Variants in GRID1 observed in about 807,000 individuals in gnomAD.
GRID1 encodes the protein glutamate ionotropic receptor delta type subunit 1, also known as glutamate receptor ionotropic, delta-1.
GRID1 carries 28 observed loss-of-function variants against 98.0 expected under a neutral mutation model. That is an observed-to-expected ratio of 0.29 (90% CI 0.21 to 0.39). The LOEUF (loss-of-function observed/expected upper bound fraction) is 0.39, where lower values mean the gene tolerates loss of function less well. Among genes scored for constraint, GRID1 ranks in the 10% least tolerant of loss-of-function variants. The pLI, the probability that GRID1 is intolerant of heterozygous loss-of-function variation, is 1.00. For synonymous variants in GRID1, 553 were observed against 538.5 expected, an observed-to-expected ratio of 1.03 and a Z score of -0.37; for missense variants, 1,111 against 1,340.5, an observed-to-expected ratio of 0.83 and a Z score of 2.67.
intron 4 of GRID1, among the ~76,000 whole-genome samples, chr10:86,099,386 T>C (rs1844263242): frequency 1.3e-5 from 2 of 152,116 alleles, no homozygotes; most frequent in South Asian, 4.2e-4. Context: ...AGACCAGTAG[T>C]TCAGAGTCTG....
chr10:85,679,419 C>G (rs563997924), intron 12 of GRID1, among the ~76,000 whole-genome samples: 2 of 152,322 alleles, frequency 1.3e-5, no homozygotes, highest in South Asian at 4.1e-4. Context: ...TTTGAAGGCT[C>G]TGAGTTTAGC....
chr10:86,220,885 A>G (rs1846242989), intron 2 of GRID1, among the ~76,000 whole-genome samples: 1 of 152,220 alleles, frequency 6.6e-6, no homozygotes, highest in Non-Finnish European at 1.5e-5. Flanking sequence ...CAGCACCAGC[A>G]TCTGAGGGGA....
chr10:85,672,701 CT>C (rs1331671274), intron 12 of GRID1, among the ~76,000 whole-genome samples: 2 of 151,588 alleles, frequency 1.3e-5, no homozygotes, highest in Non-Finnish European at 2.9e-5. Context: ...TTGAGACCTA[CT>C]GCTCAGGAAA....
chr10:85,618,424 C>A (rs1331726495), intron 14 of GRID1, among the ~76,000 whole-genome samples: 1 of 152,164 alleles, frequency 6.6e-6, no homozygotes, highest in Admixed American at 6.5e-5. Context: ...AGAACACCAA[C>A]GTGTTATAAA....
chr10:86,306,933 T>C (rs1272291964), intron 2 of GRID1, among the ~76,000 whole-genome samples: 19 of 152,208 alleles, frequency 1.2e-4, no homozygotes, highest in Admixed American at 1.2e-3. Flanking sequence ...ATCTATAGTT[T>C]GGTTAGTTTG....
chr10:85,815,341 G>A (rs1842707289), intron 8 of GRID1, among the ~76,000 whole-genome samples: 1 of 151,992 alleles, frequency 6.6e-6, no homozygotes, highest in Non-Finnish European at 1.5e-5. Context: ...AACGAGGAAG[G>A]AATGCCTTAT....
At chr10:86,146,169 G>T (rs1299055305) in intron 3 of GRID1, among the ~76,000 whole-genome samples, 2 of 152,182 alleles carry the variant, frequency 1.3e-5, no homozygotes, top group Admixed American at 1.3e-4. Context: ...CATCTGTAAT[G>T]TACATATATA....
intron 4 of GRID1, among the ~76,000 whole-genome samples, chr10:85,958,175 C>A (rs555342935): frequency 6.6e-6 from 1 of 152,222 alleles, no homozygotes; most frequent in Non-Finnish European, 1.5e-5. Context: ...GTAAATATTA[C>A]TGCAGTTTGA....
At chr10:86,293,951 T>G (rs553276551) in intron 2 of GRID1, among the ~76,000 whole-genome samples, 1 of 152,326 alleles carries the variant, frequency 6.6e-6, no homozygotes, top group Non-Finnish European at 1.5e-5. Flanking sequence ...AATAAAAATT[T>G]ATTGCAATAA....
intron 2 of GRID1, among the ~76,000 whole-genome samples, chr10:86,353,658 G>A (rs1848493949): frequency 6.6e-6 from 1 of 152,218 alleles, no homozygotes; most frequent in Admixed American, 6.5e-5. Flanking sequence ...CCTTGGGCCA[G>A]CTCCAGTTGG....
chr10:85,674,685 C>T (rs921484562), intron 12 of GRID1, among the ~76,000 whole-genome samples: 6 of 150,636 alleles, frequency 4.0e-5, no homozygotes, highest in African/African-American at 1.2e-4. Flanking sequence ...CAACTTAGTA[C>T]AAGAGAAGTT....
At chr10:85,883,279 A>G (rs1841061781) in intron 5 of GRID1, among the ~76,000 whole-genome samples, 1 of 151,836 alleles carries the variant, frequency 6.6e-6, no homozygotes. Context: ...TTCCTTTTCT[A>G]TTTTGCTTTT....
chr10:85,763,173 C>A (rs78916410), intron 8 of GRID1, among the ~76,000 whole-genome samples: 9 of 152,246 alleles, frequency 5.9e-5, no homozygotes, highest in Non-Finnish European at 8.8e-5. Flanking sequence ...AGTCAGCTGC[C>A]CACCTTGCAG....
chr10:86,317,996 C>A (rs570567162), intron 2 of GRID1, among the ~76,000 whole-genome samples: 52 of 152,286 alleles, frequency 3.4e-4, no homozygotes, highest in Middle Eastern at 3.4e-3. Flanking sequence ...CCACCTTGGT[C>A]TCCCAAAGCA....
chr10:85,631,214 A>T (rs1057143145), intron 13 of GRID1, among the ~76,000 whole-genome samples: 3 of 152,222 alleles, frequency 2.0e-5, no homozygotes, highest in Non-Finnish European at 4.4e-5. Context: ...TGCTATTGGC[A>T]GAGCTTCAGT....
At chr10:86,156,478 T>C (rs1029509022) in intron 3 of GRID1, among the ~76,000 whole-genome samples, 2 of 152,164 alleles carry the variant, frequency 1.3e-5, no homozygotes, top group African/African-American at 4.8e-5. Context: ...AGAGCTGCCA[T>C]GTTTCTTGTC....
intron 2 of GRID1, among the ~76,000 whole-genome samples, chr10:86,336,998 C>T (rs1441567926): frequency 6.6e-6 from 1 of 151,140 alleles, no homozygotes; most frequent in African/African-American, 2.5e-5. Context: ...GCGCCCGCCA[C>T]CAGGATGGCT....
At chr10:85,639,787 C>T (rs894330534) in intron 13 of GRID1, among the ~76,000 whole-genome samples, 37 of 152,166 alleles carry the variant, frequency 2.4e-4, no homozygotes, top group Non-Finnish European at 8.8e-5. Context: ...GCAGGAGAAT[C>T]GCTTGAACCT....
intron 2 of GRID1, among the ~76,000 whole-genome samples, chr10:86,249,536 C>A (rs1459924909): frequency 6.6e-6 from 1 of 152,192 alleles, no homozygotes; most frequent in Non-Finnish European, 1.5e-5. Context: ...TTGACTACCA[C>A]CCAAGCTCCT....
Sources: allele counts gnomAD v4.1 joint callset (sites outside exome capture counted in the v4.1 genomes callset), GRCh38; gene constraint gnomAD v4.1.1; transcripts MANE v1.5; gene names NCBI Gene and HGNC (gene_info 2026-07-23, HGNC 2026-07-21).